GPC6: variants seen among roughly 807,000 people sequenced by gnomAD.
GPC6 encodes the protein glypican 6, also known as glypican-6.
A neutral mutation model predicts 55.2 loss-of-function variants in GPC6; 14 were observed. That is an observed-to-expected ratio of 0.25 (90% CI 0.17 to 0.40). The LOEUF is 0.40. Among genes scored for constraint, GPC6 ranks in the 10% least tolerant of loss-of-function variants. The pLI, the probability that GPC6 is intolerant of heterozygous loss-of-function variation, is 1.00. For missense variants in GPC6, 641 were observed against 708.5 expected, an observed-to-expected ratio of 0.90 and a Z score of 1.08; for synonymous variants, 278 against 259.6, an observed-to-expected ratio of 1.07 and a Z score of -0.68.
rs187954022 is a variant in GPC6, at chr13:93,243,160, G to A, written c.160+15544G>A. 3.5e-3 allele frequency among the ~76,000 whole-genome samples: 537 copies of A among 152,250 alleles called. 8 individuals carry two copies. Among genetic ancestry groups the A allele is most frequent in the African/African-American group, 0.012 (503 of 41,546 alleles). Reference sequence around the variant, plus strand: ...TTGGATACCAGCAGTCTGCTGCAAGGGCTAGAGATGCCAAGAGCATTCCCA... The same window carrying A: ...TTGGATACCAGCAGTCTGCTGCAAGAGCTAGAGATGCCAAGAGCATTCCCA... On this transcript the variant is annotated intron_variant, in intron 1 of 8. Transcript: ENST00000377047.
intron 6 of GPC6, among the ~76,000 whole-genome samples, chr13:94,378,081 G>C (rs1196783049): frequency 6.6e-6 from 1 of 152,116 alleles, no homozygotes; most frequent in Non-Finnish European, 1.5e-5. Context: ...AGCATTGGGA[G>C]ATATACCTAA....
Position 93,227,703 on chromosome 13 carries a change from T to G in GPC6, c.160+87T>G. 2 of 1,070,236 alleles carry G rather than the reference T, an allele frequency of 1.9e-6. No individual in the cohort carries two copies. The highest frequency in any genetic ancestry group is 2.7e-6 in the Non-Finnish European group (2 of 738,442). The allele number at this position is 1,070,236 out of a possible 1,614,324, so 66.3% of individuals were successfully genotyped here. A position where few individuals can be genotyped will look rare whatever the true frequency, so the allele number is the denominator to read the frequency against. On this transcript the variant is annotated intron_variant, in intron 1 of 8. Coordinates refer to ENST00000377047, the MANE Select transcript of GPC6 (RefSeq NM_005708.5). The surrounding 1 kb of genome is among the most constrained non-coding windows in gnomAD (Gnocchi z 4.3). ...CGCCCGGCGTCCCCTTCCTTCCCCC[T>G]GTTGCTGAGTTGGTGCTCACTTTCT...
intron 3 of GPC6, among the ~76,000 whole-genome samples, chr13:94,005,742 T>C (rs1442256710): frequency 6.6e-6 from 1 of 152,174 alleles, no homozygotes; most frequent in Non-Finnish European, 1.5e-5. Context: ...ATATTAAACA[T>C]GTTTATTATT....
chr13:93,746,687 A>G (rs1027491208), intron 2 of GPC6, among the ~76,000 whole-genome samples: 1 of 152,178 alleles, frequency 6.6e-6, no homozygotes, highest in Non-Finnish European at 1.5e-5. Context: ...AAAGGTGTCT[A>G]TAGCATAGCA....
chr13:93,998,846 G>A (rs1190443187), intron 3 of GPC6, among the ~76,000 whole-genome samples: 1 of 151,674 alleles, frequency 6.6e-6, no homozygotes, highest in Non-Finnish European at 1.5e-5. Flanking sequence ...TTTTTTTGTG[G>A]TAAGAACACT....
At chr13:93,754,714 A>C (rs1456325657) in intron 2 of GPC6, among the ~76,000 whole-genome samples, 1 of 152,002 alleles carries the variant, frequency 6.6e-6, no homozygotes, top group Non-Finnish European at 1.5e-5. Flanking sequence ...AAAAAAAAAA[A>C]CTAAAATCGA....
intron 6 of GPC6, among the ~76,000 whole-genome samples, chr13:94,336,435 T>C (rs1877703684): frequency 6.6e-6 from 1 of 152,178 alleles, no homozygotes; most frequent in African/African-American, 2.4e-5. Flanking sequence ...AAGGCAATAA[T>C]TTTAAAGCCC....
intron 2 of GPC6, among the ~76,000 whole-genome samples, chr13:93,574,253 T>C (rs1391941693): frequency 1.3e-5 from 2 of 152,132 alleles, no homozygotes; most frequent in East Asian, 3.9e-4. Context: ...GAGGTTATAC[T>C]GGAGCAAAGT....
intron 4 of GPC6, among the ~76,000 whole-genome samples, chr13:94,214,470 G>A (rs983616294): frequency 1.3e-5 from 2 of 151,842 alleles, no homozygotes; most frequent in Admixed American, 6.6e-5. Flanking sequence ...TTTTATCTTG[G>A]TATTATATAT....
intron 2 of GPC6, among the ~76,000 whole-genome samples, chr13:93,595,015 T>C (rs1375278338): frequency 6.6e-6 from 1 of 152,146 alleles, no homozygotes; most frequent in Non-Finnish European, 1.5e-5. Flanking sequence ...AATAGGGCCT[T>C]GTTTTTTAAT....
intron 1 of GPC6, among the ~76,000 whole-genome samples, chr13:93,439,701 A>AAATAAAATAAAAT (rs1566358109): frequency 1.0e-4 from 15 of 149,566 alleles, no homozygotes; most frequent in African/African-American, 2.8e-4. Context: ...AAAAAAAATA[A>AAATAAAATAAAAT]AATAAAATAA....
intron 1 of GPC6, among the ~76,000 whole-genome samples, chr13:93,390,883 C>T (rs899498290): frequency 2.9e-4 from 44 of 151,588 alleles, no homozygotes; most frequent in African/African-American, 1.1e-3. Flanking sequence ...CCACTCAGGT[C>T]ACTGCTATTT....
chr13:93,774,460 C>T (rs936820001), intron 2 of GPC6, among the ~76,000 whole-genome samples: 2 of 152,118 alleles, frequency 1.3e-5, no homozygotes, highest in Admixed American at 6.6e-5. Flanking sequence ...TAATATTATG[C>T]ACTTTACTTC....
intron 2 of GPC6, among the ~76,000 whole-genome samples, chr13:93,822,927 G>A (rs1887107485): frequency 1.3e-5 from 2 of 151,084 alleles, no homozygotes; most frequent in South Asian, 2.1e-4. Flanking sequence ...GCAGTGGCAC[G>A]ACCTTGGCTG....
chr13:93,788,290 C>A (rs571111988), intron 2 of GPC6, among the ~76,000 whole-genome samples: 1 of 152,126 alleles, frequency 6.6e-6, no homozygotes, highest in African/African-American at 2.4e-5. Context: ...GGCTCAAGGG[C>A]AGGAGAGTCC....
In GPC6 at chr13:93,712,717, A is replaced by G. The variant is rs147638403; in HGVS notation, c.320-117437A>G. Reference sequence around the variant, plus strand: ...TCTTCTGTGTATGCCTACCCAATTTATATTAGGTGGTGTAAAATTAATACC... The same window carrying G: ...TCTTCTGTGTATGCCTACCCAATTTGTATTAGGTGGTGTAAAATTAATACC... On this transcript the variant is annotated intron_variant, in intron 2 of 8. Transcript: ENST00000377047. Among the ~76,000 whole-genome samples, 210 of 151,710 alleles carry G rather than the reference A, an allele frequency of 1.4e-3. 1 individual carries two copies. Among genetic ancestry groups the G allele is most frequent in the African/African-American group, 4.8e-3 (199 of 41,444 alleles).
Position 93,400,974 on chromosome 13 carries a change from G to T in GPC6, c.161-144289G>T, listed in dbSNP as rs191831886. 2.9e-3 allele frequency among the ~76,000 whole-genome samples: 438 copies of T among 152,228 alleles called. 2 individuals carry two copies. Among genetic ancestry groups the T allele is most frequent in the African/African-American group, 0.01 (423 of 41,536 alleles). ...GTCAGGGCCTCTGGAACAGGAAGAG[G>T]TTGGTTTATGGCAGAAATTGAAAGA... On this transcript the variant is annotated intron_variant, in intron 1 of 8. Transcript: ENST00000377047.
chr13:93,745,176 T>C (rs1423732879), intron 2 of GPC6, among the ~76,000 whole-genome samples: 2 of 152,076 alleles, frequency 1.3e-5, no homozygotes, highest in Non-Finnish European at 2.9e-5. Context: ...TTCAGAATAC[T>C]TACATTGCTT....
chr13:93,840,731 C>T (rs566021305), intron 3 of GPC6, among the ~76,000 whole-genome samples: 154 of 152,178 alleles, frequency 1.0e-3, no homozygotes, highest in Admixed American at 1.8e-3. Flanking sequence ...AATACAAGAA[C>T]TTCCCTGGGA....
Sources: gnomAD v4.1 joint callset for allele counts (sites outside exome capture counted in the v4.1 genomes callset) on GRCh38, gnomAD v4.1.1 for gene constraint, Gnocchi (gnomAD v3.1) non-coding constraint, MANE v1.5 for transcripts, NCBI Gene and HGNC (gene_info 2026-07-23, HGNC 2026-07-21) for gene names.